Variants in TTC28 observed in about 807,000 individuals in gnomAD.
TTC28 encodes tetratricopeptide repeat protein 28.
In TTC28, 61 loss-of-function variants were observed where a neutral mutation model predicts 198.0. The ratio of observed to expected loss-of-function variants is 0.31; its 90% CI spans 0.25 to 0.38. TTC28 has a LOEUF of 0.38. TTC28 is among the 10% of genes least tolerant of loss of function. The pLI is 1.00. For synonymous variants in TTC28, 1,171 were observed against 1,297.8 expected (o/e 0.90, Z 2.10); for missense variants, 2,678 against 3,164.0 (o/e 0.85, Z 3.69).
chr22:28,465,901 G>C (rs1286685741), intron 2 of TTC28, among the ~76,000 whole-genome samples: 1 of 152,078 alleles, frequency 6.6e-6, no homozygotes, highest in Non-Finnish European at 1.5e-5. Flanking sequence ...ATTCCAACCA[G>C]GAGGAAAGAG....
At chr22:28,536,532 G>A (rs1262661144) in intron 2 of TTC28, among the ~76,000 whole-genome samples, 1 of 151,932 alleles carries the variant, frequency 6.6e-6, no homozygotes, top group African/African-American at 2.4e-5. Flanking sequence ...GCTGAGGCAG[G>A]AGAATGGCGT....
rs372364495 is a variant in TTC28, at chr22:28,378,648, A to C, written c.382-72005T>G. On this transcript the variant is annotated intron_variant, in intron 2 of 22. Transcript: ENST00000397906. ...CAATAGAGCAAGATTCTGTGTCAAA[A>C]AAACAACAACAAAAAAAAAAGCAGA... 1.1e-4 allele frequency among the ~76,000 whole-genome samples: 17 copies of C among 152,274 alleles called. No individual in the cohort carries two copies. In the East Asian group the frequency reaches 3.1e-3, roughly 28 times the overall value.
At chr22:28,658,865 C>T (rs1421415352) in intron 1 of TTC28, among the ~76,000 whole-genome samples, 1 of 152,064 alleles carries the variant, frequency 6.6e-6, no homozygotes, top group Non-Finnish European at 1.5e-5. Context: ...GACATGGTGA[C>T]GCACATCTGT....
chr22:28,344,251 C>A (rs890503497), intron 2 of TTC28, among the ~76,000 whole-genome samples: 3 of 151,800 alleles, frequency 2.0e-5, no homozygotes, highest in Non-Finnish European at 4.4e-5. Context: ...AACATATATT[C>A]TCTGAAGCAA....
At chr22:28,488,247 C>G (rs879334348) in intron 2 of TTC28, among the ~76,000 whole-genome samples, 6 of 152,210 alleles carry the variant, frequency 3.9e-5, no homozygotes, top group Non-Finnish European at 7.3e-5. Flanking sequence ...CTGCACCCTT[C>G]AGCACCACTC....
At chr22:28,076,426 C>T (rs924324033) in intron 12 of TTC28, among the ~76,000 whole-genome samples, 3 of 152,088 alleles carry the variant, frequency 2.0e-5, no homozygotes, top group African/African-American at 4.8e-5. Context: ...TTTTGTAATT[C>T]ATTTGCTTAA....
chr22:28,133,453 T>C (rs574969700), intron 6 of TTC28, among the ~76,000 whole-genome samples: 73 of 152,274 alleles, frequency 4.8e-4, no homozygotes, highest in African/African-American at 1.5e-3. Context: ...GGGAATTCCC[T>C]TTCCTAGCCA....
At chr22:28,307,508 G>T (rs2145812011) in intron 2 of TTC28, among the ~76,000 whole-genome samples, 1 of 152,132 alleles carries the variant, frequency 6.6e-6, no homozygotes, top group East Asian at 1.9e-4. Flanking sequence ...GAACTCCTGG[G>T]CTCAAGCGAT....
At chr22:28,243,208 A>C (rs1230100074) in intron 5 of TTC28, among the ~76,000 whole-genome samples, 41 of 120,858 alleles carry the variant, frequency 3.4e-4, no homozygotes, top group African/African-American at 1.2e-3. Context: ...AAAAAAAAAA[A>C]AAAAACTAGC....
intron 13 of TTC28, among the ~76,000 whole-genome samples, chr22:28,020,167 C>A (rs1033023099): frequency 6.6e-6 from 1 of 152,190 alleles, no homozygotes; most frequent in Non-Finnish European, 1.5e-5. Context: ...CTGGGGGCTG[C>A]GGCTCCGGGC....
chr22:28,533,874 T>C (rs887989179), intron 2 of TTC28, among the ~76,000 whole-genome samples: 5 of 152,236 alleles, frequency 3.3e-5, no homozygotes, highest in Admixed American at 3.3e-4. Context: ...AAGCTGAAAC[T>C]GGATCCCCTC....
intron 9 of TTC28, 23 bp from the exon 10 acceptor site, chr22:28,099,067 T>C: frequency 6.4e-7 from 1 of 1,551,556 alleles, no homozygotes; most frequent in Non-Finnish European, 8.7e-7. Context: ...AGGAAGAACA[T>C]CATCCATTCC....
At chr22:28,662,536 T>C (rs1175015336) in intron 1 of TTC28, among the ~76,000 whole-genome samples, 6 of 152,192 alleles carry the variant, frequency 3.9e-5, no homozygotes, top group Non-Finnish European at 7.3e-5. Context: ...TTAGTTAATA[T>C]ATGTAAAGTA....
chr22:28,066,304 G>GTGTGTGTGTT (rs71803180), intron 12 of TTC28, among the ~76,000 whole-genome samples: 2 of 147,104 alleles, frequency 1.4e-5, no homozygotes, highest in South Asian at 2.1e-4. Flanking sequence ...GTGTGTGTGT[G>GTGTGTGTGTT]GTGTGTGTGT....
At chr22:28,653,684 T>C (rs2051598943) in intron 1 of TTC28, among the ~76,000 whole-genome samples, 1 of 152,146 alleles carries the variant, frequency 6.6e-6, no homozygotes. Context: ...ATTCCTCCCA[T>C]AGAAGCTGTT....
chr22:28,320,301 A>G lies in TTC28; in HGVS notation c.382-13658T>C, dbSNP rs532028525. Among the ~76,000 whole-genome samples, 3 of 149,442 alleles carry G rather than the reference A, an allele frequency of 2.0e-5. No homozygotes were observed. In the East Asian group the frequency reaches 5.9e-4, roughly 29 times the overall value. On this transcript the variant is annotated intron_variant, in intron 2 of 22. Transcript: ENST00000397906. ...TTTGGCATGACTTTACACATTTCCT[A>G]CACTACACCCATAGAATGAAGGCAC...
At chr22:28,143,117 G>T (rs1025882721) in intron 6 of TTC28, among the ~76,000 whole-genome samples, 5 of 152,132 alleles carry the variant, frequency 3.3e-5, no homozygotes, top group Non-Finnish European at 7.4e-5. Context: ...TGACTTAATG[G>T]CAGAGCTGGG....
chr22:28,077,653 A>G (rs1164773871), intron 12 of TTC28, among the ~76,000 whole-genome samples: 2 of 152,246 alleles, frequency 1.3e-5, no homozygotes, highest in Non-Finnish European at 2.9e-5. Context: ...AGTGTAATCT[A>G]AATTAACCAG....
intron 2 of TTC28, among the ~76,000 whole-genome samples, chr22:28,586,646 T>G (rs1437502660): frequency 6.6e-6 from 1 of 152,182 alleles, no homozygotes; most frequent in Non-Finnish European, 1.5e-5. Flanking sequence ...ACTGATCTTT[T>G]GGCATAGTCA....
Sources: allele counts gnomAD v4.1 joint callset (sites outside exome capture counted in the v4.1 genomes callset), GRCh38; gene constraint gnomAD v4.1.1; transcripts MANE v1.5; gene names NCBI Gene and HGNC (gene_info 2026-07-23, HGNC 2026-07-21).